The following DDX51 variants were observed in gnomAD, a reference collection of about 807,000 sequenced individuals.
DDX51 encodes DEAD-box helicase 51, also known as ATP-dependent RNA helicase DDX51.
DDX51 carries 67 observed loss-of-function variants against 74.6 expected under a neutral mutation model. That is an observed-to-expected ratio of 0.90 (90% confidence interval 0.74 to 1.10). The LOEUF is 1.10. Ranked by LOEUF, DDX51 falls within the 50% of genes least tolerant of loss-of-function variation. The probability of loss-of-function intolerance (pLI) is 0.00; values close to 1 mark genes in which losing one functional copy is unlikely to be tolerated. For missense variants in DDX51, 1,056 were observed against 905.2 expected (o/e 1.17, Z -2.14); for synonymous variants, 545 against 402.9 (o/e 1.35, Z -4.22).
At position 132,142,275 on chromosome 12, in the gene DDX51, A is replaced by T; in HGVS notation, c.816+2T>A. 6.2e-7 allele frequency: 1 copy of T among 1,612,976 alleles called. No individual in the cohort carries two copies. Among genetic ancestry groups the T allele is most frequent in the Non-Finnish European group, 8.5e-7 (1 of 1,179,926 alleles). ...GTAGAGAAAGGGGACCCTCACACAG[A>T]CCTGCACCACAGGGATGACGAAGGC... On this transcript the variant is annotated splice_donor_variant, in intron 4 of 14. Coordinates refer to ENST00000397333, the MANE Select transcript of DDX51 (RefSeq NM_175066.4). LOFTEE classifies it high-confidence loss of function.
intron 2 of DDX51, 104 bp downstream of exon 2, chr12:132,143,591 C>A: frequency 7.0e-7 from 1 of 1,434,596 alleles, no homozygotes; most frequent in Non-Finnish European, 9.4e-7. Flanking sequence ...GGCTGTGACC[C>A]GGGAACATTC....
In DDX51 at chr12:132,139,134, A is replaced by G; in HGVS notation, c.*138T>C. 2 of 1,339,418 alleles carry G rather than the reference A, an allele frequency of 1.5e-6. No individual in the cohort carries two copies. The highest frequency in any genetic ancestry group is 2.0e-6 in the Non-Finnish European group (2 of 983,284). 83.0% of individuals were successfully genotyped at this position (1,339,418 alleles called of 1,614,324 possible). On this transcript the variant is annotated 3_prime_UTR_variant, in exon 15 of 15. Coordinates refer to ENST00000397333, the MANE Select transcript of DDX51 (RefSeq NM_175066.4). ...CTGACGCCCGGGCTGCCTGGCGCAG[A>G]GACCACGTGCTTGGGGAGGAAGGCT...
intron 3 of DDX51, 73 bp downstream of exon 3, chr12:132,142,655 A>G: frequency 6.3e-7 from 1 of 1,577,234 alleles, no homozygotes. Context: ...CGCCTGACCC[A>G]CGGCCACTCA....
chr12:132,139,040 G>T lies in DDX51; in HGVS notation c.*232C>A. 1 of 567,118 alleles carries T rather than the reference G, an allele frequency of 1.8e-6. No homozygotes were observed. Among genetic ancestry groups the T allele is most frequent in the Non-Finnish European group, 3.1e-6 (1 of 325,102 alleles). 35.1% of individuals were successfully genotyped at this position (567,118 alleles called of 1,614,324 possible). ...TTTTACTAAGGCTTCATTGCCCGCAGCCATCCTGACCTCCACACTCTGAAA... is the reference window on the plus strand; with the variant it reads ...TTTTACTAAGGCTTCATTGCCCGCATCCATCCTGACCTCCACACTCTGAAA... On this transcript the variant is annotated 3_prime_UTR_variant, in exon 15 of 15. Transcript: ENST00000397333.
In DDX51 at chr12:132,142,753, T is replaced by C. The variant is rs1446675265; in HGVS notation, c.645A>G (p.Ala215=). 6.2e-7 allele frequency: 1 copy of C among 1,612,844 alleles called. No individual in the cohort carries two copies. The highest frequency in any genetic ancestry group is 2.2e-5 in the East Asian group (1 of 44,896). The part of the protein sequence containing the change: ...VHPDLQKQLR[A]HGISSYFPVQ... ...CTGGAAAGTAGGACGAGATGCCGTG[T>C]GCCCGCAGCTGCTTCTGCAGGTCAG... Residue 215 remains alanine (A), a synonymous_variant, in exon 3 of 15, where the codon GCA becomes GCG. Coordinates refer to ENST00000397333, the MANE Select transcript of DDX51 (RefSeq NM_175066.4).
chr12:132,140,350 T>C (rs1897398825), intron 11 of DDX51, 73 bp downstream of exon 11: 1 of 1,587,922 alleles, frequency 6.3e-7, no homozygotes. Flanking sequence ...AAGCACCTTT[T>C]AGAGAGCCCC....
In DDX51 at chr12:132,141,624, G is replaced by A; in HGVS notation, c.996-18C>T. 1.3e-6 allele frequency: 2 copies of A among 1,554,792 alleles called. No homozygotes were observed. Among genetic ancestry groups the A allele is most frequent in the Non-Finnish European group, 1.7e-6 (2 of 1,153,112 alleles). ...CATCAGCTCTACAGACCAGAGAGCAGCTCGAGAGAAGGAAGCTTTCTCAAG... is the reference window on the plus strand; with the variant it reads ...CATCAGCTCTACAGACCAGAGAGCAACTCGAGAGAAGGAAGCTTTCTCAAG... On this transcript the variant is annotated intron_variant, in intron 6 of 14. Coordinates refer to ENST00000397333, the MANE Select transcript of DDX51 (RefSeq NM_175066.4).
intron 2 of DDX51, 42 bp downstream of exon 2, chr12:132,143,653 T>C: frequency 3.9e-6 from 6 of 1,532,504 alleles, no homozygotes; most frequent in Non-Finnish European, 5.2e-6. Context: ...CCGCGCAGCC[T>C]ACCCTCTCAC....
rs1355705936 is a variant in DDX51 at position 132,138,858 on chromosome 12, TC to T, written c.*413del. On this transcript the variant is annotated 3_prime_UTR_variant, in exon 15 of 15. Coordinates refer to ENST00000397333, the MANE Select transcript of DDX51 (RefSeq NM_175066.4). ...GTCTCGAACTCGTGACCTCAGGTGATCCACCCGCCTTGGCCTCCCAAAGTGC... is the reference window on the plus strand; with the variant it reads ...GTCTCGAACTCGTGACCTCAGGTGATCACCCGCCTTGGCCTCCCAAAGTGC... 2 of 180,982 alleles carry T rather than the reference TC, an allele frequency of 1.1e-5. No individual in the cohort carries two copies. Among genetic ancestry groups the T allele is most frequent in the African/African-American group, 4.7e-5 (2 of 42,424 alleles). The allele number at this position is 180,982 out of a possible 1,614,324, so 11.2% of individuals were successfully genotyped here.
chr12:132,140,778 T>C (rs1009264699), intron 9 of DDX51, 43 bp from the exon 10 acceptor site: 43 of 1,612,858 alleles, frequency 2.7e-5, no homozygotes, highest in Non-Finnish European at 3.6e-5. Context: ...GAGGGTTGGT[T>C]AGGGGCCCCA....
At position 132,138,899 on chromosome 12, in the gene DDX51, T is replaced by TG. The variant is rs572182073; in HGVS notation, c.*372dup. ...TCCCAAAGTGCTGGAATTACAGGCA[T>TG]GAGCCACCATGCCTGGCCAAGAGCT... On this transcript the variant is annotated 3_prime_UTR_variant, in exon 15 of 15. Transcript: ENST00000397333. 5.4e-5 allele frequency: 13 copies of TG among 239,972 alleles called. No homozygotes were observed. Among genetic ancestry groups the TG allele is most frequent in the African/African-American group, 2.7e-4 (12 of 44,756 alleles). 14.9% of individuals were successfully genotyped at this position (239,972 alleles called of 1,614,324 possible).
In DDX51 at chr12:132,144,005, C is replaced by A; in HGVS notation, c.292G>T (p.Asp98Tyr). 1 of 1,380,142 alleles carries A rather than the reference C, an allele frequency of 7.2e-7. No individual in the cohort carries two copies. The highest frequency in any genetic ancestry group is 1.7e-5 in the South Asian group (1 of 60,268). The allele number at this position is 1,380,142 out of a possible 1,614,324, so 85.5% of individuals were successfully genotyped here. The change falls in exon 1 of 15, where the codon GAC (aspartate) becomes TAC (tyrosine). Residue 98 changes from aspartate to tyrosine, a missense_variant. Transcript: ENST00000397333. The part of the protein sequence containing the change: ...QGKRRKADGE[D>Y]AGAESNEEAP... ...CCCCGCGGCCCACCTGCGCCCGCGT[C>A]CTCGCCGTCCGCCTTCCGTCGCTTT...
chr12:132,139,412 C>T, intron 14 of DDX51, 114 bp from the exon 15 acceptor site: 1 of 1,543,646 alleles, frequency 6.5e-7, no homozygotes, highest in Non-Finnish European at 8.8e-7. Flanking sequence ...CATGCAGAAA[C>T]CAGGCCCTGG....
chr12:132,143,120 AGCCAGGAGGTCCTGTGACCTGGC>A (rs959231083), intron 2 of DDX51: 5 of 530,096 alleles, frequency 9.4e-6, no homozygotes. Context: ...ACCCTCCCGC[AGCCAGGAGGTCCTGTGACCTGGC>A]GCTCGCCTGC....
chr12:132,139,664 C>T lies in DDX51; in HGVS notation c.1945G>A (p.Ala649Thr). 1.2e-6 allele frequency: 2 copies of T among 1,613,100 alleles called. No individual in the cohort carries two copies. The highest frequency in any genetic ancestry group is 1.7e-6 in the Non-Finnish European group (2 of 1,179,978). The change falls in exon 14 of 15, where the codon GCC becomes ACC. Residue 649 changes from alanine (A) to threonine (T), a missense_variant. Transcript: ENST00000397333. ...LQPLVPRYEE[A>T]LSQLEESVKE... Reference sequence around the variant, plus strand: ...ACAGACTCCTCCAGCTGGGACAGGGCCTCCTCGTACCGAGGAACCAGCGGC... The same window carrying T: ...ACAGACTCCTCCAGCTGGGACAGGGTCTCCTCGTACCGAGGAACCAGCGGC...
chr12:132,143,621 G>A lies in DDX51; in HGVS notation c.519+74C>T, dbSNP rs1267147806. 4.0e-6 allele frequency: 6 copies of A among 1,510,198 alleles called. No individual in the cohort carries two copies. The East Asian group carries it at 1.3e-4, about 32-fold the overall frequency. 93.5% of individuals were successfully genotyped at this position (1,510,198 alleles called of 1,614,324 possible). On this transcript the variant is annotated intron_variant, in intron 2 of 14. Coordinates refer to ENST00000397333, the MANE Select transcript of DDX51 (RefSeq NM_175066.4). ...ACATTCGCTGAACGAAATCTTCCGGGGCGACCGCCGCACTTAAGAATCCGC... is the reference window on the plus strand; with the variant it reads ...ACATTCGCTGAACGAAATCTTCCGGAGCGACCGCCGCACTTAAGAATCCGC...
rs772978711 is a variant in DDX51 at position 132,140,922 on chromosome 12, C to T, written c.1349G>A (p.Arg450Gln). The T allele has an allele frequency of 1.1e-5, 17 of 1,613,178 alleles. No homozygotes were observed. Among genetic ancestry groups the T allele is most frequent in the South Asian group, 3.3e-5 (3 of 91,084 alleles). ...KLQQLGLHQPRLFSTGLAHRG... is the reference protein window; with the variant it reads ...KLQQLGLHQPQLFSTGLAHRG... ...GTGTGCTAGCCCTGTGGAGAAAAGC[C>T]GGGGCTGGTGGAGGCCCAGCTGCTG... Residue 450 changes from arginine to glutamine, a missense_variant, in exon 9 of 15, where the codon CGG becomes CAG. By Grantham distance (43) the Arg-to-Gln change is conservative. Coordinates refer to ENST00000397333, the MANE Select transcript of DDX51 (RefSeq NM_175066.4).
At position 132,140,924 on chromosome 12, in the gene DDX51, G is replaced by T. The variant is rs376343696; in HGVS notation, c.1347C>A (p.Pro449=). Reference sequence around the variant, plus strand: ...GTGCTAGCCCTGTGGAGAAAAGCCGGGGCTGGTGGAGGCCCAGCTGCTGCA... The same window carrying T: ...GTGCTAGCCCTGTGGAGAAAAGCCGTGGCTGGTGGAGGCCCAGCTGCTGCA... The part of the protein sequence containing the change: ...EKLQQLGLHQ[P]RLFSTGLAHR... Residue 449 remains proline (P), a synonymous_variant, in exon 9 of 15, where the codon CCC becomes CCA. Transcript: ENST00000397333. 3.2e-5 allele frequency: 52 copies of T among 1,613,254 alleles called. No homozygotes were observed. Among genetic ancestry groups the T allele is most frequent in the Non-Finnish European group, 4.3e-5 (51 of 1,179,950 alleles).
intron 14 of DDX51, 167 bp from the exon 15 acceptor site, chr12:132,139,465 G>C: frequency 6.6e-7 from 1 of 1,521,272 alleles, no homozygotes; most frequent in Non-Finnish European, 9.1e-7. Context: ...TTCCACCACT[G>C]GTGCCCAGGG....
Sources: gnomAD v4.1 joint callset for allele counts on GRCh38, gnomAD v4.1.1 for gene constraint, MANE v1.5 for transcripts, NCBI Gene and HGNC (gene_info 2026-07-23, HGNC 2026-07-21) for gene names.